The following BPTF variants were observed in gnomAD, a reference collection of about 807,000 sequenced individuals.
BPTF encodes the protein bromodomain PHD finger transcription factor, also known as nucleosome-remodeling factor subunit BPTF.
Under a neutral mutation model 292.5 loss-of-function variants are expected in BPTF, and 18 were observed. The ratio of observed to expected loss-of-function variants is 0.06; its 90% CI spans 0.04 to 0.09. The LOEUF is 0.09. Among genes scored for constraint, BPTF ranks in the 10% least tolerant of loss-of-function variants. The pLI, the probability that BPTF is intolerant of heterozygous loss-of-function variation, is 1.00. For synonymous variants in BPTF, 1,225 were observed against 1,251.9 expected (o/e 0.98, Z 0.45); for missense variants, 2,726 against 3,498.7 (o/e 0.78, Z 5.57).
intron 18 of BPTF, among the ~76,000 whole-genome samples, chr17:67,933,524 A>G (rs1389295652): frequency 2.0e-5 from 3 of 151,522 alleles, no homozygotes; most frequent in Non-Finnish European, 4.4e-5. Flanking sequence ...AAGTATGCTC[A>G]TGCTACTGCA....
In BPTF at chr17:67,904,666, C is replaced by T. The variant is rs367992996; in HGVS notation, c.2674-36C>T. 7 of 1,520,952 alleles carry T rather than the reference C, an allele frequency of 4.6e-6. No individual in the cohort carries two copies. The African/African-American group carries it at 9.7e-5, about 21-fold the overall frequency. The allele number at this position is 1,520,952 out of a possible 1,614,324, so 94.2% of individuals were successfully genotyped here. On this transcript the variant is annotated intron_variant, in intron 8 of 27. Coordinates refer to ENST00000306378, the MANE Select transcript of BPTF (RefSeq NM_182641.4). ...CATGTGGTTTATAAGCATTGTTATT[C>T]TTATTGTTTAATCAAAATGTTTTCA...
chr17:67,923,055 A>AAT, intron 14 of BPTF, 65 bp downstream of exon 14: 3 of 1,370,034 alleles, frequency 2.2e-6, no homozygotes, highest in Non-Finnish European at 1.9e-6. Flanking sequence ...TCAATAAATT[A>AAT]CTTTTTTTTT....
chr17:67,904,055 G>C, intron 8 of BPTF, 137 bp downstream of exon 8: 9 of 840,772 alleles, frequency 1.1e-5, no homozygotes, highest in Non-Finnish European at 1.4e-5. Flanking sequence ...TTGAGACAGA[G>C]TCTCGCTCTG....
chr17:67,886,375 TTGTG>T, intron 4 of BPTF: 2 of 1,221,600 alleles, frequency 1.6e-6, no homozygotes, highest in Non-Finnish European at 2.2e-6. Context: ...TTTCTTTTTT[TTGTG>T]TGTGTGTGTG....
chr17:67,872,733 A>T (rs1012207197), intron 3 of BPTF, among the ~76,000 whole-genome samples: 2 of 152,120 alleles, frequency 1.3e-5, no homozygotes, highest in African/African-American at 4.8e-5. Context: ...GAAAAAAGGA[A>T]ATCTGTGCCT....
intron 7 of BPTF, among the ~76,000 whole-genome samples, chr17:67,895,963 G>A (rs1479612171): frequency 7.1e-6 from 1 of 141,654 alleles, no homozygotes; most frequent in Non-Finnish European, 1.5e-5. Context: ...ACTCAATCAG[G>A]CTTTTTTTTT....
chr17:67,893,220 ACTTAG>A (rs1456125546), intron 5 of BPTF, 145 bp from the exon 6 acceptor site: 5 of 627,526 alleles, frequency 8.0e-6, no homozygotes, highest in African/African-American at 1.8e-5. Context: ...TTTACTTTTA[ACTTAG>A]CTTTTAGACT....
At chr17:67,886,072 A>G (rs2060731087) in intron 4 of BPTF, 2 of 1,289,790 alleles carry the variant, frequency 1.6e-6, no homozygotes, top group Non-Finnish European at 2.2e-6. Context: ...TTTTCTGACA[A>G]TTCGTCATTT....
Position 67,893,657 on chromosome 17 carries a change from A to T in BPTF, c.2343A>T (p.Arg781Ser). Residue 781 changes from arginine to serine, a missense_variant, in exon 6 of 28, where the codon AGA becomes AGT. Physicochemically the swap from Arg to Ser is moderately radical, Grantham distance 110 (BLOSUM62 -1). Transcript: ENST00000306378. ...AAGTTCTTACCATATCTACTCTGAG[A>T]CTGACTATCACCCAATTAGAAAACA... is the stretch of plus-strand genomic sequence containing the variant. ...GSKVLTISTLRLTITQLENNI... is the reference protein window; with the variant it reads ...GSKVLTISTLSLTITQLENNI... 6.2e-7 allele frequency: 1 copy of T among 1,612,360 alleles called. No homozygotes were observed. The highest frequency in any genetic ancestry group is 8.5e-7 in the Non-Finnish European group (1 of 1,178,586).
intron 22 of BPTF, 77 bp from the exon 23 acceptor site, chr17:67,948,003 AG>A (rs1555676316): frequency 7.0e-7 from 1 of 1,420,390 alleles, no homozygotes; most frequent in Non-Finnish European, 9.8e-7. Context: ...TCTCATCTGT[AG>A]AGGCATAGAA....
intron 15 of BPTF, among the ~76,000 whole-genome samples, chr17:67,926,410 C>T (rs190658628): frequency 8.7e-5 from 13 of 149,360 alleles, no homozygotes; most frequent in African/African-American, 3.0e-4. Context: ...CTGCAAGCTC[C>T]GCCTCCCGGG....
chr17:67,828,390 C>T (rs939877952), intron 1 of BPTF, among the ~76,000 whole-genome samples: 1 of 152,144 alleles, frequency 6.6e-6, no homozygotes, highest in African/African-American at 2.4e-5. Flanking sequence ...CAGGACAGTT[C>T]AGCTAACTTT....
chr17:67,880,998 A>C (rs766222492), intron 4 of BPTF, among the ~76,000 whole-genome samples: 2 of 152,034 alleles, frequency 1.3e-5, no homozygotes, highest in African/African-American at 2.4e-5. Context: ...TATTACATAT[A>C]TATATTTCAG....
intron 1 of BPTF, among the ~76,000 whole-genome samples, chr17:67,845,777 T>A (rs2144647395): frequency 6.7e-6 from 1 of 150,158 alleles, no homozygotes; most frequent in East Asian, 1.9e-4. Flanking sequence ...TCTCAAAAAA[T>A]ATATATATTT....
Position 67,982,308 on chromosome 17 carries a change from A to G in BPTF, c.*20A>G. 1.3e-6 allele frequency: 2 copies of G among 1,599,496 alleles called. No homozygotes were observed. Among genetic ancestry groups the G allele is most frequent in the South Asian group, 1.1e-5 (1 of 90,306 alleles). On this transcript the variant is annotated 3_prime_UTR_variant, in exon 28 of 28. Coordinates refer to ENST00000306378, the MANE Select transcript of BPTF (RefSeq NM_182641.4). ...TCTTAAAGTTCAGCGTGTTAACCTA[A>G]CATAAAACACAGCAAGAATCTGGTT... is the stretch of plus-strand genomic sequence containing the variant.
In BPTF at chr17:67,911,233, A is replaced by G; in HGVS notation, c.3349A>G (p.Ser1117Gly). 1 of 1,614,050 alleles carries G rather than the reference A, an allele frequency of 6.2e-7. No homozygotes were observed. The highest frequency in any genetic ancestry group is 8.5e-7 in the Non-Finnish European group (1 of 1,179,984). The change falls in exon 11 of 28, where the codon AGT (serine) becomes GGT (glycine). Residue 1117 changes from serine to glycine, a missense_variant. By Grantham distance (56) the Ser-to-Gly change is moderately conservative. This residue lies in a region of BPTF where 713 missense variants were observed against 714.9 expected (regional missense o/e 1.00). Coordinates refer to ENST00000306378, the MANE Select transcript of BPTF (RefSeq NM_182641.4). ...AACGAAAGCAAAAGAAGGGTGTCAGAGTGACTCGATGAGACAAGAACAGAG... is the reference window on the plus strand; with the variant it reads ...AACGAAAGCAAAAGAAGGGTGTCAGGGTGACTCGATGAGACAAGAACAGAG... ...VITKAKEGCQ[S>G]DSMRQEQSPN...
intron 4 of BPTF, chr17:67,886,321 G>T: frequency 6.3e-7 from 1 of 1,580,514 alleles, no homozygotes; most frequent in South Asian, 1.2e-5. Flanking sequence ...AGATAGGTAA[G>T]AATATACTTC....
intron 23 of BPTF, chr17:67,956,742 T>C (rs1268338335): frequency 1.4e-5 from 2 of 147,956 alleles, no homozygotes; most frequent in African/African-American, 5.0e-5. Context: ...GGCGGGCAGA[T>C]CACGAGGTCA....
rs781358774 is a variant in BPTF at position 67,826,059 on chromosome 17, C to T, written c.335C>T (p.Ala112Val). Residue 112 changes from alanine to valine, a missense_variant, in exon 1 of 28, where the codon GCC (alanine) becomes GTC (valine). Ala to Val is a moderately conservative substitution (Grantham distance 64, BLOSUM62 0). Coordinates refer to ENST00000306378, the MANE Select transcript of BPTF (RefSeq NM_182641.4). ...GGCGGGGGCGGCGGCGGCCACCTGG[C>T]CCGGACCACCGCGGCCCGGAGGGCC... ...TGGGGGGGHL[A>V]RTTAARRAVN... The T allele has an allele frequency of 9.3e-5, 118 of 1,263,218 alleles. No individual in the cohort carries two copies. Among genetic ancestry groups the T allele is most frequent in the Non-Finnish European group, 1.0e-4 (98 of 948,890 alleles). 78.3% of individuals were successfully genotyped at this position (1,263,218 alleles called of 1,614,324 possible).
Sources: allele counts gnomAD v4.1 joint callset (sites outside exome capture counted in the v4.1 genomes callset), GRCh38; gene constraint gnomAD v4.1.1; regional missense constraint gnomAD v4.1.1; transcripts MANE v1.5; gene names NCBI Gene and HGNC (gene_info 2026-07-23, HGNC 2026-07-21).